LUC7L2: variants seen among roughly 807,000 people sequenced by gnomAD.
LUC7L2 encodes the protein putative RNA-binding protein Luc7-like 2.
A neutral mutation model predicts 52.8 loss-of-function variants in LUC7L2; 25 were observed. The ratio of observed to expected loss-of-function variants is 0.47; its 90% confidence interval spans 0.34 to 0.66. LUC7L2 has a LOEUF of 0.66. LUC7L2 is among the 30% of genes least tolerant of loss of function. LUC7L2 has a pLI of 0.01. For missense variants in LUC7L2, 328 were observed against 497.8 expected, an observed-to-expected ratio of 0.66 and a Z score of 3.25; for synonymous variants, 144 against 160.9, an observed-to-expected ratio of 0.89 and a Z score of 0.80.
At chr7:139,366,829 G>A (rs1258422443) in intron 1 of LUC7L2, among the ~76,000 whole-genome samples, 2 of 152,114 alleles carry the variant, frequency 1.3e-5, no homozygotes, top group African/African-American at 4.8e-5. Flanking sequence ...CCCACCTACT[G>A]AGTCAGAAAT....
intron 2 of LUC7L2, among the ~76,000 whole-genome samples, chr7:139,376,674 G>A (rs1270632830): frequency 6.6e-6 from 1 of 152,152 alleles, no homozygotes; most frequent in Non-Finnish European, 1.5e-5. Flanking sequence ...CAGAGATGTT[G>A]ATCTTAGAGT....
At chr7:139,394,136 A>G (rs1794562721) in intron 2 of LUC7L2, among the ~76,000 whole-genome samples, 1 of 152,202 alleles carries the variant, frequency 6.6e-6, no homozygotes, top group Non-Finnish European at 1.5e-5. Context: ...ATCCAAGGAG[A>G]GGCTAAGAAG....
intron 2 of LUC7L2, among the ~76,000 whole-genome samples, chr7:139,388,845 T>C (rs76456294): frequency 0.028 from 4,226 of 152,096 alleles, 100 homozygotes; most frequent in African/African-American, 0.056. Context: ...ACACTTAATT[T>C]CCATTTAGCT....
chr7:139,360,779 C>CAGGAGGAA (rs1462448112), intron 1 of LUC7L2, among the ~76,000 whole-genome samples: 1 of 152,142 alleles, frequency 6.6e-6, no homozygotes, highest in African/African-American at 2.4e-5. Flanking sequence ...CTTCCTGGGT[C>CAGGAGGAA]AGGAGGAAAC....
chr7:139,397,656 C>G (rs1794721531), intron 2 of LUC7L2, among the ~76,000 whole-genome samples: 1 of 152,110 alleles, frequency 6.6e-6, no homozygotes, highest in African/African-American at 2.4e-5. Flanking sequence ...TGTAATGATC[C>G]TTGCATCTTG....
At chr7:139,365,977 C>G (rs977466724) in intron 1 of LUC7L2, among the ~76,000 whole-genome samples, 1 of 152,128 alleles carries the variant, frequency 6.6e-6, no homozygotes, top group African/African-American at 2.4e-5. Context: ...GTCAGTTGTT[C>G]AGTTTTGCAA....
chr7:139,415,970 CTGT>C (rs1795580431), intron 8 of LUC7L2, among the ~76,000 whole-genome samples: 1 of 130,074 alleles, frequency 7.7e-6, no homozygotes, highest in African/African-American at 3.2e-5. Flanking sequence ...TTTGAACTTG[CTGT>C]ATCAAATTAT....
At chr7:139,372,561 C>A (rs992808049) in intron 1 of LUC7L2, among the ~76,000 whole-genome samples, 2 of 152,018 alleles carry the variant, frequency 1.3e-5, no homozygotes, top group Non-Finnish European at 2.9e-5. Context: ...TAATTTTAGT[C>A]TAAGAATTCC....
At chr7:139,355,383 CAAAG>C (rs1563252665), upstream of LUC7L2, among the ~76,000 whole-genome samples, 1 of 151,054 alleles carries the variant, frequency 6.6e-6, no homozygotes, top group Non-Finnish European at 1.5e-5. Context: ...GTTTAGCACA[CAAAG>C]AAAACCAGGC....
intron 1 of LUC7L2, among the ~76,000 whole-genome samples, chr7:139,369,442 A>G (rs6949599): frequency 0.38 from 58,545 of 152,072 alleles, 15,762 homozygotes; most frequent in African/African-American, 0.77. Flanking sequence ...AAAACATGAT[A>G]GCATTGGTCC....
intron 1 of LUC7L2, among the ~76,000 whole-genome samples, chr7:139,367,517 CTTAA>C (rs1800224474): frequency 6.6e-6 from 1 of 152,084 alleles, no homozygotes; most frequent in South Asian, 2.1e-4. Context: ...TTTTTCTTGA[CTTAA>C]TTGTGATTAA....
In LUC7L2 at chr7:139,374,215, A is replaced by G. The variant is rs570490531; in HGVS notation, c.62-1847A>G. Among the ~76,000 whole-genome samples, 54 of 152,290 alleles carry G rather than the reference A, an allele frequency of 3.5e-4. 1 individual carries two copies. Among genetic ancestry groups the G allele is most frequent in the African/African-American group, 9.9e-4 (41 of 41,562 alleles). Reference sequence around the variant, plus strand: ...ACTTTTACCTGTAGTCAGTCATACAATTATCTGGGGTTATACTTGTTAAGT... The same window carrying G: ...ACTTTTACCTGTAGTCAGTCATACAGTTATCTGGGGTTATACTTGTTAAGT... On this transcript the variant is annotated intron_variant, in intron 1 of 9. Coordinates refer to ENST00000354926, the MANE Select transcript of LUC7L2 (RefSeq NM_016019.5).
intron 8 of LUC7L2, 135 bp downstream of exon 8, chr7:139,412,715 C>A: frequency 2.8e-6 from 3 of 1,071,714 alleles, no homozygotes; most frequent in Non-Finnish European, 3.9e-6. Flanking sequence ...GTAATCCCAG[C>A]TACTCAAGAG....
At chr7:139,406,622 G>A (rs1039948495) in intron 5 of LUC7L2, among the ~76,000 whole-genome samples, 2 of 152,138 alleles carry the variant, frequency 1.3e-5, no homozygotes, top group African/African-American at 4.8e-5. Flanking sequence ...CCAAAGTGCT[G>A]GGATTACAGG....
intron 3 of LUC7L2, among the ~76,000 whole-genome samples, chr7:139,400,603 T>C (rs1275866232): frequency 6.6e-6 from 1 of 152,224 alleles, no homozygotes; most frequent in Non-Finnish European, 1.5e-5. Context: ...TCTTCTGGCA[T>C]ATTTTGGCTT....
intron 2 of LUC7L2, among the ~76,000 whole-genome samples, chr7:139,393,858 G>A (rs1035988907): frequency 1.3e-5 from 2 of 152,186 alleles, no homozygotes; most frequent in East Asian, 3.8e-4. Context: ...CTGAAAATCT[G>A]CCTTGGCTAT....
At chr7:139,388,642 A>G (rs1215213499) in intron 2 of LUC7L2, among the ~76,000 whole-genome samples, 5 of 150,398 alleles carry the variant, frequency 3.3e-5, no homozygotes, top group African/African-American at 7.3e-5. Context: ...ATGTAGTCAT[A>G]TATCTGTATC....
At chr7:139,373,064 T>C (rs1585086141) in intron 1 of LUC7L2, among the ~76,000 whole-genome samples, 1 of 152,348 alleles carries the variant, frequency 6.6e-6, no homozygotes, top group South Asian at 2.1e-4. Context: ...GGTGATTTGG[T>C]TCCTATTTGC....
intron 2 of LUC7L2, among the ~76,000 whole-genome samples, chr7:139,381,878 ATT>A (rs57302073): frequency 3.8e-5 from 4 of 105,174 alleles, no homozygotes; most frequent in Non-Finnish European, 5.7e-5. Context: ...GCCTGGCCTA[ATT>A]TTTTTTTTTT....
Sources: gnomAD v4.1 joint callset for allele counts (sites outside exome capture counted in the v4.1 genomes callset) on GRCh38, gnomAD v4.1.1 for gene constraint, MANE v1.5 for transcripts, NCBI Gene and HGNC (gene_info 2026-07-23, HGNC 2026-07-21) for gene names.